The following SLC1A1 variants were observed in gnomAD, a reference collection of about 807,000 sequenced individuals.
SLC1A1 encodes the protein solute carrier family 1 member 1, also known as excitatory amino acid transporter 3.
In SLC1A1, 43 loss-of-function variants were observed where a neutral mutation model predicts 53.3. That is an observed-to-expected ratio of 0.81 (90% CI 0.63 to 1.04). The LOEUF is 1.04. Ranked by LOEUF, SLC1A1 falls within the 50% of genes least tolerant of loss-of-function variation. The pLI, the probability that SLC1A1 is intolerant of heterozygous loss-of-function variation, is 0.00. For synonymous variants in SLC1A1, 307 were observed against 243.2 expected (o/e 1.26, Z -2.44); for missense variants, 748 against 664.9 (o/e 1.12, Z -1.37).
At chr9:4,525,328 C>T (rs925755113) in intron 1 of SLC1A1, among the ~76,000 whole-genome samples, 1 of 152,094 alleles carries the variant, frequency 6.6e-6, no homozygotes, top group Non-Finnish European at 1.5e-5. Context: ...TCTAAATTTA[C>T]ACCACTGTGT....
chr9:4,492,813 AG>A (rs1820283527), intron 1 of SLC1A1, among the ~76,000 whole-genome samples: 1 of 151,638 alleles, frequency 6.6e-6, no homozygotes, highest in African/African-American at 2.4e-5. Context: ...AAAAAAAAAA[AG>A]ACTTTGCAGG....
At chr9:4,569,038 G>C (rs1320996116) in intron 6 of SLC1A1, among the ~76,000 whole-genome samples, 5 of 152,110 alleles carry the variant, frequency 3.3e-5, no homozygotes, top group Admixed American at 1.3e-4. Flanking sequence ...GCACTTTATA[G>C]AACATAACTA....
intron 1 of SLC1A1, among the ~76,000 whole-genome samples, chr9:4,498,974 TATA>T (rs1015513194): frequency 2.8e-4 from 39 of 137,768 alleles, no homozygotes; most frequent in African/African-American, 1.2e-3. Context: ...TATATGTATA[TATA>T]ATCTTATATA....
intron 1 of SLC1A1, among the ~76,000 whole-genome samples, chr9:4,530,714 C>T (rs887428319): frequency 2.6e-5 from 4 of 152,050 alleles, no homozygotes; most frequent in African/African-American, 9.7e-5. Flanking sequence ...GCTTTAATAA[C>T]ACAATTATAT....
intron 11 of SLC1A1, among the ~76,000 whole-genome samples, chr9:4,584,805 G>A (rs184498081): frequency 6.6e-6 from 1 of 152,214 alleles, no homozygotes; most frequent in African/African-American, 2.4e-5. Context: ...CTCCTGGTTT[G>A]CTCATAAGTA....
At chr9:4,525,094 A>C (rs1471970286) in intron 1 of SLC1A1, among the ~76,000 whole-genome samples, 1 of 152,216 alleles carries the variant, frequency 6.6e-6, no homozygotes, top group East Asian at 1.9e-4. Flanking sequence ...GAAAAGTGAT[A>C]TGATCTTGGC....
intron 1 of SLC1A1, among the ~76,000 whole-genome samples, chr9:4,534,970 T>G (rs201726105): frequency 2.0e-5 from 3 of 152,070 alleles, no homozygotes; most frequent in African/African-American, 7.2e-5. Flanking sequence ...ATGATTATCT[T>G]AATAGATGCA....
chr9:4,499,856 C>G (rs1180645751), intron 1 of SLC1A1, among the ~76,000 whole-genome samples: 1 of 152,202 alleles, frequency 6.6e-6, no homozygotes, highest in African/African-American at 2.4e-5. Flanking sequence ...ATAAAGAAAG[C>G]TTCAAATGAA....
Position 4,576,713 on chromosome 9 carries a change from T to C in SLC1A1, c.1143T>C (p.Ile381=). Residue 381 remains isoleucine (I), a synonymous_variant, in exon 10 of 12, where the codon ATT becomes ATC. Coordinates refer to ENST00000262352, the MANE Select transcript of SLC1A1 (RefSeq NM_004170.6). ...ALYEAVAAVF[I]AQLNDLDLGI... Reference sequence around the variant, plus strand: ...ATGAAGCAGTGGCAGCGGTGTTTATTGCACAGTTGAATGACCTGGACTTGG... The same window carrying C: ...ATGAAGCAGTGGCAGCGGTGTTTATCGCACAGTTGAATGACCTGGACTTGG... The C allele has an allele frequency of 1.2e-6, 2 of 1,614,224 alleles. No individual in the cohort carries two copies. The highest frequency in any genetic ancestry group is 1.7e-6 in the Non-Finnish European group (2 of 1,180,030).
At chr9:4,574,114 A>G (rs928917724) in intron 8 of SLC1A1, 100 bp downstream of exon 8, 11 of 811,970 alleles carry the variant, frequency 1.4e-5, no homozygotes, top group African/African-American at 1.3e-4. Flanking sequence ...CTTCTGCCCT[A>G]TGTGCTGGGA....
intron 1 of SLC1A1, among the ~76,000 whole-genome samples, chr9:4,515,493 G>C (rs1382941698): frequency 2.0e-5 from 3 of 152,102 alleles, no homozygotes; most frequent in African/African-American, 7.2e-5. Context: ...TTGTCACTGG[G>C]GAAACAGCAT....
intron 3 of SLC1A1, among the ~76,000 whole-genome samples, chr9:4,563,899 T>G (rs1465815315): frequency 6.6e-6 from 1 of 151,844 alleles, no homozygotes; most frequent in Non-Finnish European, 1.5e-5. Context: ...TTTTGTATGA[T>G]CCTCAGGAGA....
intron 2 of SLC1A1, among the ~76,000 whole-genome samples, chr9:4,550,876 A>C (rs1586762278): frequency 2.0e-5 from 3 of 152,102 alleles, no homozygotes; most frequent in Admixed American, 1.3e-4. Context: ...TTGCCCAACT[A>C]CCCAACTCTG....
At chr9:4,497,556 G>A (rs1365681081) in intron 1 of SLC1A1, among the ~76,000 whole-genome samples, 2 of 152,110 alleles carry the variant, frequency 1.3e-5, no homozygotes, top group Non-Finnish European at 2.9e-5. Context: ...TTTGTCAAGG[G>A]AACAAATGAG....
At chr9:4,511,991 G>A (rs1180989028) in intron 1 of SLC1A1, among the ~76,000 whole-genome samples, 1 of 152,092 alleles carries the variant, frequency 6.6e-6, no homozygotes, top group African/African-American at 2.4e-5. Context: ...GTAAGGATTA[G>A]GTATGTAACA....
intron 1 of SLC1A1, among the ~76,000 whole-genome samples, chr9:4,528,868 G>T (rs979043262): frequency 6.6e-6 from 1 of 151,928 alleles, no homozygotes; most frequent in Non-Finnish European, 1.5e-5. Context: ...ACACATATCC[G>T]TGTCTTCATT....
intron 1 of SLC1A1, among the ~76,000 whole-genome samples, chr9:4,539,114 C>G (rs185129423): frequency 2.7e-4 from 41 of 152,200 alleles, no homozygotes; most frequent in Admixed American, 1.0e-3. Context: ...AAAAAAACAA[C>G]AGATGATTTC....
At chr9:4,538,749 T>C (rs564679659) in intron 1 of SLC1A1, among the ~76,000 whole-genome samples, 31 of 152,318 alleles carry the variant, frequency 2.0e-4, no homozygotes, top group South Asian at 1.9e-3. Context: ...AGAGCCTGTA[T>C]TGGTGGAGCT....
intron 1 of SLC1A1, among the ~76,000 whole-genome samples, chr9:4,526,411 A>G (rs371983930): frequency 5.3e-5 from 8 of 152,314 alleles, no homozygotes; most frequent in African/African-American, 1.9e-4. Context: ...GACTGATACC[A>G]TGTGAGTTAG....
Sources: allele counts gnomAD v4.1 joint callset (sites outside exome capture counted in the v4.1 genomes callset), GRCh38; gene constraint gnomAD v4.1.1; transcripts MANE v1.5; gene names NCBI Gene and HGNC (gene_info 2026-07-23, HGNC 2026-07-21).